Variants in RGS22 observed in about 807,000 individuals in gnomAD.
RGS22 encodes regulator of G protein signaling 22.
RGS22 carries 148 observed loss-of-function variants against 172.9 expected under a neutral mutation model. The ratio of observed to expected loss-of-function variants is 0.86; its 90% CI spans 0.75 to 0.98. The LOEUF is 0.98. Among genes scored for constraint, RGS22 ranks in the 50% least tolerant of loss-of-function variants. RGS22 has a pLI of 0.00. For missense variants in RGS22, 1,347 were observed against 1,440.8 expected, an observed-to-expected ratio of 0.93 and a Z score of 1.05; for synonymous variants, 458 against 480.2, an observed-to-expected ratio of 0.95 and a Z score of 0.60.
chr8:100,068,521 T>G (rs1159585431), intron 6 of RGS22, among the ~76,000 whole-genome samples: 1 of 152,176 alleles, frequency 6.6e-6, no homozygotes, highest in Non-Finnish European at 1.5e-5. Context: ...TAAATTCACA[T>G]ATAGCAAATC....
At chr8:99,976,147 A>G (rs76969429) in intron 23 of RGS22, among the ~76,000 whole-genome samples, 11,937 of 152,042 alleles carry the variant, frequency 0.079, 701 homozygotes, top group African/African-American at 0.15. Flanking sequence ...CTGAGATTGC[A>G]CCACTGCACT....
chr8:99,964,059 C>T (rs1207655416), intron 24 of RGS22, among the ~76,000 whole-genome samples: 2 of 146,846 alleles, frequency 1.4e-5, no homozygotes. Flanking sequence ...CCATCATCAT[C>T]ATCATCCCTT....
intron 3 of RGS22, among the ~76,000 whole-genome samples, chr8:100,084,678 T>A (rs777197558): frequency 9.9e-5 from 15 of 152,218 alleles, no homozygotes; most frequent in Admixed American, 4.6e-4. Context: ...AAAAGCACTA[T>A]GATTCTAAGA....
At chr8:99,976,736 T>C (rs1326128107) in intron 23 of RGS22, among the ~76,000 whole-genome samples, 2 of 152,194 alleles carry the variant, frequency 1.3e-5, no homozygotes, top group South Asian at 2.1e-4. Flanking sequence ...GGGAGGGTTA[T>C]AGAACTCAGG....
intron 2 of RGS22, among the ~76,000 whole-genome samples, chr8:100,103,702 C>T (rs1813683611): frequency 6.6e-6 from 1 of 151,914 alleles, no homozygotes; most frequent in Non-Finnish European, 1.5e-5. Context: ...GCCCAGAGAA[C>T]AGAATCCTGA....
intron 2 of RGS22, among the ~76,000 whole-genome samples, chr8:100,097,449 G>A (rs1454832951): frequency 6.6e-6 from 1 of 152,164 alleles, no homozygotes; most frequent in Non-Finnish European, 1.5e-5. Flanking sequence ...ATGGACTGAT[G>A]GATGATGAGA....
chr8:100,052,974 G>C lies in RGS22; in HGVS notation c.1517C>G (p.Ala506Gly). The C allele has an allele frequency of 6.2e-7, 1 of 1,612,854 alleles. No individual in the cohort carries two copies. Among genetic ancestry groups the C allele is most frequent in the Non-Finnish European group, 8.5e-7 (1 of 1,179,336 alleles). Residue 506 changes from alanine (A) to glycine (G), a missense_variant and splice_region_variant, in exon 10 of 28, where the codon GCA (alanine) becomes GGA (glycine). Ala to Gly is a moderately conservative substitution (Grantham distance 60). Transcript: ENST00000360863. ...EVLKPLLLYW[A>G]PRFCVTHSAS... ...TGAATGAGTAACACAGAATCTTGGT[G>C]CCCTGTTTATTGGAAAAATAAATGT...
Position 100,006,109 on chromosome 8 carries a change from C to T in RGS22, c.2362G>A (p.Val788Met). Residue 788 changes from valine (V) to methionine (M), a missense_variant and splice_region_variant, in exon 16 of 28, where the codon GTG (valine) becomes ATG (methionine). Transcript: ENST00000360863. ...VKSDQIAYKK[V>M]ELVEETRQLD... is the part of the protein sequence containing the mutation. ...TGTCGAGTTTCTTCCACCAGCTCCA[C>T]CTAAAAAAAATAAATAAAGCTTGTG... 3 of 1,608,336 alleles carry T rather than the reference C, an allele frequency of 1.9e-6. No homozygotes were observed. Among genetic ancestry groups the T allele is most frequent in the Non-Finnish European group, 2.5e-6 (3 of 1,177,042 alleles).
chr8:100,023,370 CCTT>C (rs1346293615), intron 14 of RGS22, among the ~76,000 whole-genome samples: 1 of 152,184 alleles, frequency 6.6e-6, no homozygotes, highest in Non-Finnish European at 1.5e-5. Context: ...AGACACTACA[CCTT>C]CTGGGATGCC....
At chr8:100,051,279 C>T (rs768480503) in intron 10 of RGS22, among the ~76,000 whole-genome samples, 53 of 150,430 alleles carry the variant, frequency 3.5e-4, no homozygotes, top group Admixed American at 9.4e-4. Context: ...GAAATGAAGT[C>T]AGAGGGTTAG....
At chr8:99,981,830 G>T in intron 22 of RGS22, 107 bp downstream of exon 22, 1 of 957,978 alleles carries the variant, frequency 1.0e-6, no homozygotes. Flanking sequence ...CCAAAGTGCT[G>T]GGATTACAGG....
chr8:100,095,054 C>T (rs7008185), intron 2 of RGS22, among the ~76,000 whole-genome samples: 7,855 of 152,220 alleles, frequency 0.052, 663 homozygotes, highest in African/African-American at 0.18. Flanking sequence ...ACCTGGTGGA[C>T]GTAAGTATTG....
intron 4 of RGS22, among the ~76,000 whole-genome samples, chr8:100,076,792 A>C (rs1414456735): frequency 6.6e-6 from 1 of 152,198 alleles, no homozygotes; most frequent in Non-Finnish European, 1.5e-5. Flanking sequence ...CAGGAGTTCG[A>C]GAGCAGCCTG....
intron 13 of RGS22, 32 bp from the exon 14 acceptor site, chr8:100,039,064 C>A: frequency 1.6e-6 from 2 of 1,243,912 alleles, no homozygotes; most frequent in South Asian, 1.3e-5. Context: ...AAATTATTAC[C>A]ACCCAATTAT....
At chr8:100,104,329 C>CCT (rs1554642609) in intron 2 of RGS22, among the ~76,000 whole-genome samples, 4 of 140,404 alleles carry the variant, frequency 2.8e-5, no homozygotes, top group Non-Finnish European at 1.5e-5. Flanking sequence ...AAAATATGTG[C>CCT]GTGTGTGTGT....
chr8:100,033,751 A>G (rs541216705), intron 14 of RGS22, among the ~76,000 whole-genome samples: 4 of 152,316 alleles, frequency 2.6e-5, no homozygotes, highest in Admixed American at 1.3e-4. Flanking sequence ...GCACATCAAA[A>G]AGCTTATCCA....
At chr8:100,093,966 A>T (rs1812778524) in intron 2 of RGS22, among the ~76,000 whole-genome samples, 1 of 152,210 alleles carries the variant, frequency 6.6e-6, no homozygotes, top group Admixed American at 6.5e-5. Flanking sequence ...CCCAATGAAA[A>T]TGATAAAGGA....
chr8:100,044,928 T>C (rs1363315860), intron 11 of RGS22, among the ~76,000 whole-genome samples: 1 of 152,172 alleles, frequency 6.6e-6, no homozygotes, highest in Non-Finnish European at 1.5e-5. Flanking sequence ...AAAATTCACA[T>C]TGTCAACACA....
At position 100,071,478 on chromosome 8, in the gene RGS22, C is replaced by G. The variant is rs767963551; in HGVS notation, c.485G>C (p.Gly162Ala). The G allele has an allele frequency of 8.1e-6, 13 of 1,612,558 alleles. No individual in the cohort carries two copies. In the South Asian group the frequency reaches 1.4e-4, roughly 18 times the overall value. Residue 162 changes from glycine to alanine, a missense_variant, in exon 6 of 28, where the codon GGA becomes GCA. Coordinates refer to ENST00000360863, the MANE Select transcript of RGS22 (RefSeq NM_015668.5). Reference protein sequence around the residue: ...WSKSGMNFTVGSNFSPWIVKK... With the variant: ...WSKSGMNFTVASNFSPWIVKK... Reference sequence around the variant, plus strand: ...CACGATCCAGGGAGAAAAATTTGATCCTACTGTGAAATTCATGCCGGACTT... The same window carrying G: ...CACGATCCAGGGAGAAAAATTTGATGCTACTGTGAAATTCATGCCGGACTT...
Sources: gnomAD v4.1 joint callset for allele counts (sites outside exome capture counted in the v4.1 genomes callset) on GRCh38, gnomAD v4.1.1 for gene constraint, MANE v1.5 for transcripts, NCBI Gene and HGNC (gene_info 2026-07-23, HGNC 2026-07-21) for gene names.